The following STX16 variants were observed in gnomAD, a reference collection of about 807,000 sequenced individuals.
The protein encoded by STX16 is syntaxin-16.
Under a neutral mutation model 42.7 loss-of-function variants are expected in STX16, and 28 were observed. The ratio of observed to expected loss-of-function variants is 0.66; its 90% CI spans 0.49 to 0.90. STX16 has a LOEUF of 0.90. Among genes scored for constraint, STX16 ranks in the 40% least tolerant of loss-of-function variants. STX16 has a pLI of 0.00. For synonymous variants in STX16, 156 were observed against 155.2 expected (o/e 1.00, Z -0.04); for missense variants, 361 against 420.9 (o/e 0.86, Z 1.24).
At chr20:58,671,730 A>G (rs2123004161) in intron 7 of STX16, among the ~76,000 whole-genome samples, 1 of 152,266 alleles carries the variant, frequency 6.6e-6, no homozygotes, top group African/African-American at 2.4e-5. Context: ...TCATAGTACC[A>G]TCCTCATAGG....
At chr20:58,667,388 T>C in intron 2 of STX16, 102 bp from the exon 3 acceptor site, 1 of 971,148 alleles carries the variant, frequency 1.0e-6, no homozygotes, top group South Asian at 1.4e-5. Flanking sequence ...CATTCACTCC[T>C]TTCTGTATCT....
intron 1 of STX16, among the ~76,000 whole-genome samples, chr20:58,654,439 G>A (rs1488230058): frequency 2.0e-5 from 3 of 152,140 alleles, no homozygotes; most frequent in Non-Finnish European, 4.4e-5. Flanking sequence ...CAGGTGATTC[G>A]TAACAAAATC....
chr20:58,658,018 A>T (rs1281821400), intron 1 of STX16, among the ~76,000 whole-genome samples: 1 of 152,230 alleles, frequency 6.6e-6, no homozygotes. Context: ...CTTATTTGTA[A>T]GAAAAGACTT....
At chr20:58,664,831 C>T (rs2083780546) in intron 2 of STX16, among the ~76,000 whole-genome samples, 1 of 152,164 alleles carries the variant, frequency 6.6e-6, no homozygotes, top group South Asian at 2.1e-4. Context: ...AGATCATGAG[C>T]TTAAAAACTC....
At position 58,671,283 on chromosome 20, in the gene STX16, A is replaced by G. The variant is rs1014720820; in HGVS notation, c.778A>G (p.Met260Val). 1 of 1,612,700 alleles carries G rather than the reference A, an allele frequency of 6.2e-7. No homozygotes were observed. The highest frequency in any genetic ancestry group is 8.5e-7 in the Non-Finnish European group (1 of 1,179,192). Residue 260 changes from methionine (M) to valine (V), a missense_variant, in exon 7 of 9, where the codon ATG becomes GTG. Physicochemically the swap from Met to Val is conservative, Grantham distance 21. Coordinates refer to ENST00000371141, the MANE Select transcript of STX16 (RefSeq NM_001001433.3). Reference protein sequence around the residue: ...LNEIFRDLGAMIVEQGTVLDR... With the variant: ...LNEIFRDLGAVIVEQGTVLDR... ...TGAAATATTCAGGGACTTAGGGGCG[A>G]TGATTGTAGAACAGGTACGTGAGCT...
chr20:58,659,400 CAACCACAGTAAATA>C (rs376076942), intron 1 of STX16, among the ~76,000 whole-genome samples: 59 of 151,076 alleles, frequency 3.9e-4, no homozygotes, highest in African/African-American at 1.4e-3. Context: ...ATTTTCAAAA[CAACCACAGTAAATA>C]AAAATTAAAG....
At position 58,651,654 on chromosome 20, in the gene STX16, A is replaced by C. The variant is rs2083457305; in HGVS notation, c.-353A>C. 4.2e-6 allele frequency: 1 copy of C among 240,488 alleles called. No individual in the cohort carries two copies. The highest frequency in any genetic ancestry group is 8.4e-6 in the Non-Finnish European group (1 of 119,384). 14.9% of individuals were successfully genotyped at this position (240,488 alleles called of 1,614,324 possible). ...GGAGTAGGGGGCTTCAGGGCCTCCC[A>C]GTCTAGAGCCGGATTGGCGAGTTAG... On this transcript the variant is annotated 5_prime_UTR_variant, in exon 1 of 9. Transcript: ENST00000371141.
At chr20:58,656,892 A>G (rs2083596783) in intron 1 of STX16, among the ~76,000 whole-genome samples, 1 of 152,206 alleles carries the variant, frequency 6.6e-6, no homozygotes, top group African/African-American at 2.4e-5. Flanking sequence ...ACAGTGCTCT[A>G]TCAAATAAGT....
At position 58,668,068 on chromosome 20, in the gene STX16, C is replaced by T; in HGVS notation, c.334C>T (p.Leu112=). The change falls in exon 4 of 9, where the codon CTG becomes TTG. Residue 112 remains leucine (L), a synonymous_variant. Coordinates refer to ENST00000371141, the MANE Select transcript of STX16 (RefSeq NM_001001433.3). ...LHDKHLNRPT[L]DDSSEEEHAI... ...TGACAAGCATTTAAACAGACCCACCCTGGATGACAGCAGCGAAGAGGAACA... is the reference window on the plus strand; with the variant it reads ...TGACAAGCATTTAAACAGACCCACCTTGGATGACAGCAGCGAAGAGGAACA... 6.2e-7 allele frequency: 1 copy of T among 1,614,212 alleles called. No individual in the cohort carries two copies. The highest frequency in any genetic ancestry group is 2.2e-5 in the East Asian group (1 of 44,884).
In STX16 at chr20:58,678,094, G is replaced by A. The variant is rs1352409025; in HGVS notation, c.*1803G>A. The A allele has an allele frequency of 6.6e-6, 1 of 152,238 alleles. No individual in the cohort carries two copies. Among genetic ancestry groups the A allele is most frequent in the Non-Finnish European group, 1.5e-5 (1 of 68,076 alleles). 9.4% of individuals were successfully genotyped at this position (152,238 alleles called of 1,614,324 possible). On this transcript the variant is annotated 3_prime_UTR_variant, in exon 9 of 9. Transcript: ENST00000371141. The stretch of plus-strand genomic sequence containing the variant: ...TCATCCCATCTGATTTTAACCCATG[G>A]TTGAGACGTTCCAAGTTAGATCTGC...
At position 58,676,464 on chromosome 20, in the gene STX16, C is replaced by G. The variant is rs765639298; in HGVS notation, c.*173C>G. The G allele has an allele frequency of 8.6e-5, 51 of 591,518 alleles. No homozygotes were observed. The highest frequency in any genetic ancestry group is 1.3e-4 in the Non-Finnish European group (44 of 331,182). The allele number at this position is 591,518 out of a possible 1,614,324, so 36.6% of individuals were successfully genotyped here. On this transcript the variant is annotated 3_prime_UTR_variant, in exon 9 of 9. Coordinates refer to ENST00000371141, the MANE Select transcript of STX16 (RefSeq NM_001001433.3). ...CTTCCCTAGTCCTGCTCAAGCGGTCCGGGGAATGGGTTTTTGTTTTTCCTT... is the reference window on the plus strand; with the variant it reads ...CTTCCCTAGTCCTGCTCAAGCGGTCGGGGGAATGGGTTTTTGTTTTTCCTT...
chr20:58,671,081 T>C, intron 6 of STX16, 73 bp from the exon 7 acceptor site: 1 of 1,355,274 alleles, frequency 7.4e-7, no homozygotes. Flanking sequence ...TTAAATTATA[T>C]CTAAACAAGT....
intron 1 of STX16, among the ~76,000 whole-genome samples, chr20:58,658,808 C>T (rs1369276438): frequency 7.2e-5 from 11 of 152,180 alleles, no homozygotes; most frequent in Admixed American, 7.2e-4. Flanking sequence ...TGAAACTTAA[C>T]CCTCTGGTGT....
rs1473518946 is a variant in STX16, at chr20:58,676,552, GTT to G, written c.*262_*263del. On this transcript the variant is annotated 3_prime_UTR_variant, in exon 9 of 9. Coordinates refer to ENST00000371141, the MANE Select transcript of STX16 (RefSeq NM_001001433.3). ...CAATAGAGATTGAGTTCTGGGATCA[GTT>G]ATAATATATATTTTTTTTAGAAAGA... 1.4e-5 allele frequency: 5 copies of G among 348,730 alleles called. No individual in the cohort carries two copies. The South Asian group carries it at 3.5e-4, about 24-fold the overall frequency. The allele number at this position is 348,730 out of a possible 1,614,324, so 21.6% of individuals were successfully genotyped here.
At chr20:58,673,995 T>C (rs1048552082) in intron 8 of STX16, among the ~76,000 whole-genome samples, 166 of 152,348 alleles carry the variant, frequency 1.1e-3, no homozygotes, top group African/African-American at 3.8e-3. Context: ...AGTTCTTTCT[T>C]TTAGAAAATA....
In STX16 at chr20:58,677,076, T is replaced by C. The variant is rs1177655023; in HGVS notation, c.*785T>C. The C allele has an allele frequency of 6.6e-6, 1 of 152,630 alleles. No homozygotes were observed. Among genetic ancestry groups the C allele is most frequent in the African/African-American group, 2.4e-5 (1 of 41,442 alleles). The allele number at this position is 152,630 out of a possible 1,614,324, so 9.5% of individuals were successfully genotyped here. The stretch of plus-strand genomic sequence containing the variant: ...CCTAAATTTAAGTTGGTGATTTAAA[T>C]GAATCTCACATTAAAAGAAAGCTTG... On this transcript the variant is annotated 3_prime_UTR_variant, in exon 9 of 9. Transcript: ENST00000371141.
In STX16 at chr20:58,651,924, C is replaced by A; in HGVS notation, c.-83C>A. The A allele has an allele frequency of 6.8e-7, 1 of 1,473,524 alleles. No individual in the cohort carries two copies. The highest frequency in any genetic ancestry group is 1.2e-5 in the South Asian group (1 of 83,338). The allele number at this position is 1,473,524 out of a possible 1,614,324, so 91.3% of individuals were successfully genotyped here. A position where few individuals can be genotyped will look rare whatever the true frequency, so the allele number is the denominator to read the frequency against. On this transcript the variant is annotated 5_prime_UTR_variant, in exon 1 of 9. Transcript: ENST00000371141. ...AAGCTTCCGTGAAAGGGTGGGCCAGCCGGGCCACGAGAAAGAAAGTGAATA... is the reference window on the plus strand; with the variant it reads ...AAGCTTCCGTGAAAGGGTGGGCCAGACGGGCCACGAGAAAGAAAGTGAATA...
intron 2 of STX16, among the ~76,000 whole-genome samples, chr20:58,664,274 A>G (rs905998984): frequency 9.8e-5 from 15 of 152,366 alleles, no homozygotes; most frequent in African/African-American, 3.1e-4. Context: ...TTCCCAAAAC[A>G]TACTGTCTTG....
intron 6 of STX16, among the ~76,000 whole-genome samples, chr20:58,670,837 C>G (rs559562725): frequency 6.6e-6 from 1 of 152,316 alleles, no homozygotes; most frequent in East Asian, 1.9e-4. Context: ...GTGGTCAACA[C>G]CCTGCCTTCT....
Sources: gnomAD v4.1 joint callset for allele counts (sites outside exome capture counted in the v4.1 genomes callset) on GRCh38, gnomAD v4.1.1 for gene constraint, MANE v1.5 for transcripts, NCBI Gene and HGNC (gene_info 2026-07-23, HGNC 2026-07-21) for gene names.